The following BTAF1 variants were observed in gnomAD, a reference collection of about 807,000 sequenced individuals.
BTAF1 encodes B-TFIID TATA-box binding protein associated factor 1.
BTAF1 carries 38 observed loss-of-function variants against 227.1 expected under a neutral mutation model. The observed-to-expected ratio is 0.17, with a 90% confidence interval of 0.13 to 0.22. The LOEUF is 0.22. BTAF1 is among the 10% of genes least tolerant of loss of function. The probability of loss-of-function intolerance (pLI) is 1.00; values close to 1 mark genes in which losing one functional copy is unlikely to be tolerated. For missense variants in BTAF1, 1,598 were observed against 2,204.0 expected (o/e 0.73, Z 5.51); for synonymous variants, 742 against 751.9 (o/e 0.99, Z 0.21).
intron 7 of BTAF1, 96 bp from the exon 8 acceptor site, chr10:91,957,129 A>G (rs1196679057): frequency 3.5e-6 from 3 of 856,168 alleles, no homozygotes; most frequent in Non-Finnish European, 5.4e-6. Flanking sequence ...CCTGATTGCT[A>G]CTACTAGACC....
At chr10:92,006,743 G>A (rs1849915110) in intron 25 of BTAF1, among the ~76,000 whole-genome samples, 1 of 152,162 alleles carries the variant, frequency 6.6e-6, no homozygotes, top group Admixed American at 6.5e-5. Flanking sequence ...TTGAGAAAAT[G>A]TCAGCCAAAT....
At chr10:91,999,361 T>C (rs1849348327) in intron 25 of BTAF1, among the ~76,000 whole-genome samples, 1 of 152,144 alleles carries the variant, frequency 6.6e-6, no homozygotes, top group South Asian at 2.1e-4. Context: ...AAATTCATCC[T>C]ACATGTACAC....
intron 20 of BTAF1, 89 bp downstream of exon 20, chr10:91,989,669 A>T (rs1005088510): frequency 1.6e-6 from 2 of 1,213,808 alleles, no homozygotes; most frequent in East Asian, 5.0e-5. Flanking sequence ...GCACAAATCC[A>T]GTTCATGTTA....
At chr10:92,010,215 C>T (rs1172829458) in intron 28 of BTAF1, among the ~76,000 whole-genome samples, 1 of 152,158 alleles carries the variant, frequency 6.6e-6, no homozygotes, top group African/African-American at 2.4e-5. Context: ...TCCAAGGTCA[C>T]TCAGCTAATT....
intron 25 of BTAF1, among the ~76,000 whole-genome samples, chr10:92,002,497 A>G (rs1170750820): frequency 6.6e-6 from 1 of 152,208 alleles, no homozygotes; most frequent in Non-Finnish European, 1.5e-5. Flanking sequence ...GGACCTAGTT[A>G]TATGGCCCTG....
At chr10:91,927,717 A>C (rs1290728937) in intron 1 of BTAF1, among the ~76,000 whole-genome samples, 1 of 152,216 alleles carries the variant, frequency 6.6e-6, no homozygotes, top group Non-Finnish European at 1.5e-5. Flanking sequence ...GTATTCAAAG[A>C]TATAACAATT....
At chr10:91,958,957 T>TTA in intron 8 of BTAF1, 108 bp from the exon 9 acceptor site, 2 of 932,350 alleles carry the variant, frequency 2.1e-6, no homozygotes, top group Non-Finnish European at 3.3e-6. Context: ...TCCACTTAGT[T>TTA]TATTCTAATT....
intron 4 of BTAF1, among the ~76,000 whole-genome samples, chr10:91,944,584 A>G (rs1001895642): frequency 2.6e-5 from 4 of 152,258 alleles, no homozygotes; most frequent in African/African-American, 9.6e-5. Flanking sequence ...ACATTATACA[A>G]TTCATCATTT....
At chr10:92,007,491 G>A (rs1488998045) in intron 25 of BTAF1, among the ~76,000 whole-genome samples, 1 of 152,026 alleles carries the variant, frequency 6.6e-6, no homozygotes, top group African/African-American at 2.4e-5. Flanking sequence ...TCCTGGGGCT[G>A]GGATTACTGG....
intron 20 of BTAF1, among the ~76,000 whole-genome samples, chr10:91,991,191 A>C (rs1190223875): frequency 6.7e-6 from 1 of 150,278 alleles, no homozygotes; most frequent in Non-Finnish European, 1.5e-5. Flanking sequence ...GCTTGCAGTG[A>C]GCCGAGATCG....
At chr10:91,949,956 A>G (rs748028159) in intron 4 of BTAF1, among the ~76,000 whole-genome samples, 4 of 152,010 alleles carry the variant, frequency 2.6e-5, no homozygotes, top group Non-Finnish European at 5.9e-5. Context: ...GGCAAACATA[A>G]TAAACCCCAT....
intron 20 of BTAF1, among the ~76,000 whole-genome samples, chr10:91,990,648 G>T (rs1239645464): frequency 6.6e-6 from 1 of 151,870 alleles, no homozygotes; most frequent in Non-Finnish European, 1.5e-5. Flanking sequence ...TATATAATTA[G>T]CTGGGCATGG....
intron 4 of BTAF1, among the ~76,000 whole-genome samples, chr10:91,944,514 C>T (rs1845230890): frequency 6.6e-6 from 1 of 152,102 alleles, no homozygotes; most frequent in Admixed American, 6.6e-5. Context: ...GTGTTTTTCC[C>T]TCCTGGGTAG....
chr10:91,955,408 GAAAT>G (rs1253457016), intron 6 of BTAF1, among the ~76,000 whole-genome samples: 2 of 151,896 alleles, frequency 1.3e-5, no homozygotes, highest in Non-Finnish European at 2.9e-5. Context: ...AGAAAGATGG[GAAAT>G]AAATAAGTAA....
chr10:92,027,392 TA>T (rs886428083), intron 37 of BTAF1, 92 bp downstream of exon 37: 1 of 1,209,406 alleles, frequency 8.3e-7, no homozygotes, highest in African/African-American at 1.5e-5. Context: ...AAAATGCGTT[TA>T]CTTTAGTATC....
intron 32 of BTAF1, among the ~76,000 whole-genome samples, chr10:92,014,437 G>A (rs1368672563): frequency 3.9e-5 from 6 of 152,140 alleles, no homozygotes; most frequent in Admixed American, 2.6e-4. Flanking sequence ...GTGTTGCCCA[G>A]GGTGGTCTCA....
chr10:92,008,231 A>G lies in BTAF1; in HGVS notation c.3769A>G (p.Lys1257Glu). Reference sequence around the variant, plus strand: ...AGATGGGAAAAAATTGGAAAATTATAAAATTCCAGTACCAATCAATGCTGA... The same window carrying G: ...AGATGGGAAAAAATTGGAAAATTATGAAATTCCAGTACCAATCAATGCTGA... ...LLDGKKLENY[K>E]IPVPINAELR... Residue 1257 changes from lysine to glutamate, a missense_variant, in exon 26 of 38, where the codon AAA becomes GAA. Lys to Glu is a moderately conservative substitution (Grantham distance 56). Transcript: ENST00000265990. 6.3e-7 allele frequency: 1 copy of G among 1,599,032 alleles called. No individual in the cohort carries two copies. Among genetic ancestry groups the G allele is most frequent in the Non-Finnish European group, 8.5e-7 (1 of 1,176,744 alleles).
chr10:92,013,908 C>T lies in BTAF1; in HGVS notation c.4463C>T (p.Ala1488Val), dbSNP rs1260458471. Residue 1488 changes from alanine to valine, a missense_variant, in exon 32 of 38, where the codon GCT becomes GTT. Physicochemically the swap from Ala to Val is moderately conservative, Grantham distance 64. Coordinates refer to ENST00000265990, the MANE Select transcript of BTAF1 (RefSeq NM_003972.3). ...CTTTAACTATTAACAGGTGTTCTTGCTATGGATGCGCTGCACCGCCAAGTA... is the reference window on the plus strand; with the variant it reads ...CTTTAACTATTAACAGGTGTTCTTGTTATGGATGCGCTGCACCGCCAAGTA... ...SSREQEAGVL[A>V]MDALHRQVLP... The T allele has an allele frequency of 6.2e-7, 1 of 1,613,584 alleles. No homozygotes were observed. Among genetic ancestry groups the T allele is most frequent in the Non-Finnish European group, 8.5e-7 (1 of 1,179,936 alleles).
At chr10:91,996,919 TA>T (rs970388848) in intron 24 of BTAF1, among the ~76,000 whole-genome samples, 23 of 152,344 alleles carry the variant, frequency 1.5e-4, no homozygotes, top group African/African-American at 5.1e-4. Context: ...AGGTATTCTA[TA>T]GGTAGTCCCT....
Sources: gnomAD v4.1 joint callset for allele counts (sites outside exome capture counted in the v4.1 genomes callset) on GRCh38, gnomAD v4.1.1 for gene constraint, MANE v1.5 for transcripts, NCBI Gene and HGNC (gene_info 2026-07-23, HGNC 2026-07-21) for gene names.